CCDC57: variants seen among roughly 807,000 people sequenced by gnomAD.
CCDC57 encodes the protein coiled-coil domain containing 57, also known as coiled-coil domain-containing protein 57.
In CCDC57, 118 loss-of-function variants were observed where a neutral mutation model predicts 118.9. The observed-to-expected ratio is 0.99, with a 90% CI of 0.86 to 1.16. The LOEUF (loss-of-function observed/expected upper bound fraction) is 1.16, where lower values mean the gene tolerates loss of function less well. CCDC57 is among the 50% of genes most tolerant of loss of function. CCDC57 has a pLI of 0.00. For synonymous variants in CCDC57, 527 were observed against 532.9 expected, an observed-to-expected ratio of 0.99 and a Z score of 0.15; for missense variants, 1,300 against 1,320.7, an observed-to-expected ratio of 0.98 and a Z score of 0.24.
chr17:82,130,480 C>T (rs1465940680), intron 17 of CCDC57, among the ~76,000 whole-genome samples: 1 of 148,516 alleles, frequency 6.7e-6, no homozygotes, highest in African/African-American at 2.5e-5. Context: ...CAGGCGTGAG[C>T]CACCACACCC....
At chr17:82,158,489 C>T (rs1274343018) in intron 14 of CCDC57, among the ~76,000 whole-genome samples, 2 of 151,846 alleles carry the variant, frequency 1.3e-5, no homozygotes, top group East Asian at 3.9e-4. Context: ...AGATCGAGAC[C>T]ATCCTGGCCA....
intron 17 of CCDC57, among the ~76,000 whole-genome samples, chr17:82,132,699 G>A (rs948749555): frequency 3.3e-5 from 5 of 151,424 alleles, no homozygotes; most frequent in African/African-American, 9.7e-5. Context: ...ATTACAAGGT[G>A]TGGACTACCA....
chr17:82,200,654 G>A (rs768100806), intron 3 of CCDC57, among the ~76,000 whole-genome samples: 11 of 151,982 alleles, frequency 7.2e-5, no homozygotes, highest in Non-Finnish European at 8.8e-5. Flanking sequence ...TTAGCCGGGC[G>A]TGGTGGTGGG....
chr17:82,201,563 G>C (rs760951409), exon 3 of CCDC57: 2 of 1,610,050 alleles, frequency 1.2e-6, no homozygotes, highest in Admixed American at 1.7e-5. Flanking sequence ...AGCTCCAGGC[G>C]ATGCTCCTGG....
chr17:82,109,835 C>T (rs978929866), intron 19 of CCDC57, among the ~76,000 whole-genome samples: 2 of 147,352 alleles, frequency 1.4e-5, no homozygotes, highest in African/African-American at 5.0e-5. Context: ...CCAGCCTGGG[C>T]GACAGAGTGA....
chr17:82,108,220 C>T (rs1598614199), intron 19 of CCDC57, among the ~76,000 whole-genome samples: 1 of 152,186 alleles, frequency 6.6e-6, no homozygotes, highest in East Asian at 1.9e-4. Flanking sequence ...GCCGCTCTGG[C>T]GCTCTGCCTC....
Position 82,136,596 on chromosome 17 carries a change from A to G in CCDC57, c.2456-2402T>C, listed in dbSNP as rs79308834. On this transcript the variant is annotated intron_variant, in intron 16 of 19. Coordinates refer to ENST00000665763, the Ensembl canonical transcript of CCDC57. ...GTATAGTACCAAAAAAAAAAAAAAA[A>G]AAAGAAAACTAGTTTTTTTGAGACA... Among the ~76,000 whole-genome samples, 357 of 147,836 alleles carry G rather than the reference A, an allele frequency of 2.4e-3. 3 individuals are homozygous for G. The highest frequency in any genetic ancestry group is 3.6e-3 in the Middle Eastern group (1 of 276).
rs569146056 is a variant in CCDC57, at chr17:82,191,149, G to A, written c.851+2607C>T. 8.5e-5 allele frequency among the ~76,000 whole-genome samples: 13 copies of A among 152,126 alleles called. No individual in the cohort carries two copies. The East Asian group carries it at 1.4e-3, about 16-fold the overall frequency. On this transcript the variant is annotated intron_variant, in intron 7 of 19. Coordinates refer to ENST00000665763, the Ensembl canonical transcript of CCDC57. ...AAAATAAAAAAAAAGGTCAGGGTGC[G>A]GGGTGAAGGATTTCACAGCATGGAT... is the stretch of plus-strand genomic sequence containing the variant.
chr17:82,179,202 C>G lies in CCDC57; in HGVS notation c.1212-13G>C, dbSNP rs1233272565. 7 of 1,610,064 alleles carry G rather than the reference C, an allele frequency of 4.3e-6. No individual in the cohort carries two copies. The highest frequency in any genetic ancestry group is 2.7e-5 in the African/African-American group (2 of 74,832). On this transcript the variant is annotated splice_polypyrimidine_tract_variant and intron_variant, in intron 9 of 19. Transcript: ENST00000665763. ...CTGTTGCTTGTACCTAAGGACACGT[C>G]CAACCGCTCAGCATTAATGCTTCCT...
intron 9 of CCDC57, among the ~76,000 whole-genome samples, chr17:82,181,208 G>A (rs2046169795): frequency 6.6e-6 from 1 of 152,234 alleles, no homozygotes; most frequent in African/African-American, 2.4e-5. Flanking sequence ...CAAATACACA[G>A]GAGAAGCCAA....
chr17:82,179,291 T>G, intron 9 of CCDC57, 102 bp from the exon 9 acceptor site: 2 of 1,313,932 alleles, frequency 1.5e-6, no homozygotes, highest in Non-Finnish European at 2.1e-6. Context: ...CTGTCCCTCC[T>G]GCTCTCGCAT....
At chr17:82,103,130 G>A (rs954781986) in intron 19 of CCDC57, among the ~76,000 whole-genome samples, 2 of 152,210 alleles carry the variant, frequency 1.3e-5, no homozygotes, top group South Asian at 2.1e-4. Flanking sequence ...TGGGGACACC[G>A]GCAATGACGC....
At chr17:82,128,460 CA>C in intron 18 of CCDC57, 32 bp downstream of exon 17, 4 of 1,481,500 alleles carry the variant, frequency 2.7e-6, no homozygotes, top group Non-Finnish European at 3.7e-6. Context: ...ACACCCCACA[CA>C]GCTGCACTTG....
In CCDC57 at chr17:82,170,713, G is replaced by A. The variant is rs144077415; in HGVS notation, c.1882+988C>T. 4.3e-4 allele frequency among the ~76,000 whole-genome samples: 65 copies of A among 152,222 alleles called. 1 individual carries two copies. The East Asian group carries it at 9.5e-3, about 22-fold the overall frequency. ...ACTCCAGAAGTGAGAAAATAAAACC[G>A]TTGTTTAAGCCACTCAGGCTGTGGT... On this transcript the variant is annotated intron_variant, in intron 13 of 19. Transcript: ENST00000665763.
intron 11 of CCDC57, among the ~76,000 whole-genome samples, chr17:82,173,186 G>C (rs2146286669): frequency 6.6e-6 from 1 of 152,300 alleles, no homozygotes; most frequent in East Asian, 1.9e-4. Flanking sequence ...AGTATGGAAA[G>C]ATGAGAATGT....
chr17:82,173,527 A>G (rs190246439), intron 11 of CCDC57, among the ~76,000 whole-genome samples: 1 of 152,342 alleles, frequency 6.6e-6, no homozygotes, highest in Admixed American at 6.5e-5. Context: ...ACGCGTCTAC[A>G]ACAAGGCCAG....
chr17:82,190,503 C>T (rs971406965), intron 7 of CCDC57, among the ~76,000 whole-genome samples: 70 of 152,070 alleles, frequency 4.6e-4, no homozygotes, highest in African/African-American at 1.5e-3. Flanking sequence ...TGAGACCAGC[C>T]TGGCCAGCAT....
intron 14 of CCDC57, among the ~76,000 whole-genome samples, chr17:82,159,776 A>G (rs1389552116): frequency 6.6e-6 from 1 of 151,660 alleles, no homozygotes; most frequent in African/African-American, 2.4e-5. Context: ...GGTTCAAGCA[A>G]TTGCCTTGCC....
intron 16 of CCDC57, among the ~76,000 whole-genome samples, chr17:82,146,418 G>A (rs540226332): frequency 6.6e-6 from 1 of 151,974 alleles, no homozygotes; most frequent in African/African-American, 2.4e-5. Context: ...TGCCCAGGCT[G>A]GAGTGCAGTG....
Sources: gnomAD v4.1 joint callset for allele counts (sites outside exome capture counted in the v4.1 genomes callset) on GRCh38, gnomAD v4.1.1 for gene constraint, MANE v1.5 for transcripts, NCBI Gene and HGNC (gene_info 2026-07-23, HGNC 2026-07-21) for gene names.